The following MPPED1 variants were observed in gnomAD, a reference collection of about 807,000 sequenced individuals.
The protein encoded by MPPED1 is metallophosphoesterase domain-containing protein 1.
Under a neutral mutation model 36.2 loss-of-function variants are expected in MPPED1, and 16 were observed. The observed-to-expected ratio is 0.44, with a 90% CI of 0.30 to 0.67. The LOEUF is 0.67. MPPED1 is among the 30% of genes least tolerant of loss of function. The probability of loss-of-function intolerance (pLI) is 0.10; values close to 1 mark genes in which losing one functional copy is unlikely to be tolerated. For synonymous variants in MPPED1, 199 were observed against 191.3 expected, an observed-to-expected ratio of 1.04 and a Z score of -0.33; for missense variants, 307 against 453.4, an observed-to-expected ratio of 0.68 and a Z score of 2.93.
chr22:43,435,230 C>A lies in MPPED1; in HGVS notation c.406+15C>A. On this transcript the variant is annotated intron_variant, in intron 3 of 6. Transcript: ENST00000443721. ...CGAGTGGCTGGGTAGGTCCCTCCTGCCCCGGGCGGGCGGCTGTGCTGAGCA... is the reference window on the plus strand; with the variant it reads ...CGAGTGGCTGGGTAGGTCCCTCCTGACCCGGGCGGGCGGCTGTGCTGAGCA... The A allele has an allele frequency of 6.3e-7, 1 of 1,598,400 alleles. No homozygotes were observed.
chr22:43,491,612 G>GATGGAGGTGGTGGTT (rs1932090985), intron 4 of MPPED1, among the ~76,000 whole-genome samples: 2 of 149,484 alleles, frequency 1.3e-5, no homozygotes, highest in Admixed American at 1.3e-4. Context: ...TGGTGTTGGT[G>GATGGAGGTGGTGGTT]ATGGAGGTGG....
intron 1 of MPPED1, among the ~76,000 whole-genome samples, chr22:43,421,904 G>A (rs1929286777): frequency 2.0e-5 from 3 of 152,230 alleles, no homozygotes; most frequent in Admixed American, 2.0e-4. Flanking sequence ...GAATATTCAT[G>A]ACTCTACAAG....
intron 3 of MPPED1, among the ~76,000 whole-genome samples, chr22:43,459,946 C>A (rs13055711): frequency 0.29 from 43,576 of 151,992 alleles, 7,658 homozygotes; most frequent in East Asian, 0.54. Context: ...TGGTGGCTTA[C>A]GCCTGTAATC....
At chr22:43,425,907 T>C (rs1022986759) in intron 2 of MPPED1, among the ~76,000 whole-genome samples, 1 of 152,196 alleles carries the variant, frequency 6.6e-6, no homozygotes, top group South Asian at 2.1e-4. Context: ...CAGGAGGACT[T>C]GTCCTGATGC....
At chr22:43,442,225 G>T (rs958896531) in intron 3 of MPPED1, among the ~76,000 whole-genome samples, 2 of 151,924 alleles carry the variant, frequency 1.3e-5, no homozygotes, top group African/African-American at 2.4e-5. Flanking sequence ...CAGAGTTCAT[G>T]GCTGTCTGTC....
chr22:43,451,649 A>G (rs1930571337), intron 3 of MPPED1, among the ~76,000 whole-genome samples: 1 of 152,208 alleles, frequency 6.6e-6, no homozygotes, highest in Non-Finnish European at 1.5e-5. Context: ...CACTTTCCAA[A>G]CTAACATTTG....
At chr22:43,448,763 C>T (rs1364038847) in intron 3 of MPPED1, among the ~76,000 whole-genome samples, 2 of 152,152 alleles carry the variant, frequency 1.3e-5, no homozygotes, top group African/African-American at 4.8e-5. Context: ...CCACCATGCT[C>T]AGCTAATTTT....
At position 43,448,575 on chromosome 22, in the gene MPPED1, TC is replaced by T. The variant is rs1930445333; in HGVS notation, c.406+13361del. Among the ~76,000 whole-genome samples the T allele has an allele frequency of 6.1e-5, 8 of 130,110 alleles. No individual in the cohort carries two copies. In the South Asian group the frequency reaches 2.2e-3, roughly 36 times the overall value. 85.4% of individuals were successfully genotyped at this position (130,110 alleles called of 152,430 possible). Reference sequence around the variant, plus strand: ...ACCCAAGGTCTAGGCTCTTTTAAAATCTTTTTATTTATTTATTTATTTATTT... The same window carrying T: ...ACCCAAGGTCTAGGCTCTTTTAAAATTTTTTATTTATTTATTTATTTATTT... On this transcript the variant is annotated intron_variant, in intron 3 of 6. Coordinates refer to ENST00000443721, the MANE Select transcript of MPPED1 (RefSeq NM_001044370.2).
chr22:43,440,256 C>T (rs1186084734), intron 3 of MPPED1, among the ~76,000 whole-genome samples: 3 of 152,248 alleles, frequency 2.0e-5, no homozygotes. Context: ...CCAGTGTGAG[C>T]CATCGCTGTT....
intron 1 of MPPED1, among the ~76,000 whole-genome samples, chr22:43,415,733 C>T (rs1929057057): frequency 6.6e-6 from 1 of 152,176 alleles, no homozygotes; most frequent in Admixed American, 6.5e-5. Context: ...GCATCCAGTT[C>T]AAAGCCAGGG....
At chr22:43,431,031 T>G (rs1341597087) in intron 2 of MPPED1, among the ~76,000 whole-genome samples, 1 of 63,214 alleles carries the variant, frequency 1.6e-5, no homozygotes, top group Non-Finnish European at 2.5e-5. Flanking sequence ...ATTTTTTTTT[T>G]TTTTTTTTTT....
chr22:43,414,308 T>C (rs1929004337), intron 1 of MPPED1, among the ~76,000 whole-genome samples: 1 of 152,212 alleles, frequency 6.6e-6, no homozygotes, highest in African/African-American at 2.4e-5. Context: ...CGGGCCTTGG[T>C]ATGCTCACTT....
intron 5 of MPPED1, among the ~76,000 whole-genome samples, chr22:43,498,649 C>T (rs536779180): frequency 6.6e-6 from 1 of 152,214 alleles, no homozygotes; most frequent in South Asian, 2.1e-4. Context: ...AGACCCCAGT[C>T]CCGGGTGCTG....
chr22:43,413,048 G>T (rs1293985070), intron 1 of MPPED1, among the ~76,000 whole-genome samples: 1 of 152,198 alleles, frequency 6.6e-6, no homozygotes, highest in Non-Finnish European at 1.5e-5. Flanking sequence ...CTCCACTCCG[G>T]AACTGGCCCC....
chr22:43,462,359 G>T (rs1472303040), intron 3 of MPPED1, among the ~76,000 whole-genome samples: 5 of 152,166 alleles, frequency 3.3e-5, no homozygotes, highest in African/African-American at 1.2e-4. Flanking sequence ...CCCGAGGCCT[G>T]GTTCCCACTC....
At chr22:43,455,551 T>G (rs1569075692) in intron 3 of MPPED1, among the ~76,000 whole-genome samples, 1 of 152,194 alleles carries the variant, frequency 6.6e-6, no homozygotes, top group Non-Finnish European at 1.5e-5. Context: ...CTTCAACATG[T>G]TCCTTTTGTG....
intron 3 of MPPED1, among the ~76,000 whole-genome samples, chr22:43,466,393 T>G (rs1159199374): frequency 6.6e-6 from 1 of 152,140 alleles, no homozygotes; most frequent in Non-Finnish European, 1.5e-5. Flanking sequence ...CCCAGGTAGG[T>G]GACCTGAACT....
intron 4 of MPPED1, among the ~76,000 whole-genome samples, chr22:43,480,825 T>C (rs1478392895): frequency 6.6e-6 from 1 of 150,478 alleles, no homozygotes; most frequent in Non-Finnish European, 1.5e-5. Context: ...TCTTTTCTTT[T>C]CTTTTTTTTT....
At chr22:43,501,889 T>C (rs1195664562) in intron 5 of MPPED1, among the ~76,000 whole-genome samples, 2 of 152,020 alleles carry the variant, frequency 1.3e-5, no homozygotes, top group Admixed American at 6.5e-5. Context: ...TGCCTGTTGC[T>C]GCTTGCTTGG....
Sources: allele counts gnomAD v4.1 joint callset (sites outside exome capture counted in the v4.1 genomes callset), GRCh38; gene constraint gnomAD v4.1.1; transcripts MANE v1.5; gene names NCBI Gene and HGNC (gene_info 2026-07-23, HGNC 2026-07-21).